Variants in SPIRE1 observed in about 807,000 individuals in gnomAD.
SPIRE1 encodes protein spire homolog 1.
In SPIRE1, 40 loss-of-function variants were observed where a neutral mutation model predicts 94.1. The observed-to-expected ratio is 0.43, with a 90% confidence interval of 0.33 to 0.55. SPIRE1 has a LOEUF of 0.55. SPIRE1 is among the 20% of genes least tolerant of loss of function. The pLI, the probability that SPIRE1 is intolerant of heterozygous loss-of-function variation, is 0.06. For missense variants in SPIRE1, 838 were observed against 975.2 expected (o/e 0.86, Z 1.87); for synonymous variants, 376 against 371.7 (o/e 1.01, Z -0.13).
intron 2 of SPIRE1, among the ~76,000 whole-genome samples, chr18:12,601,644 C>A (rs915319858): frequency 2.6e-5 from 4 of 152,076 alleles, no homozygotes; most frequent in African/African-American, 9.7e-5. Context: ...CTCTTCTGAC[C>A]CCCAGCTCCA....
rs146574708 is a variant in SPIRE1, at chr18:12,582,876, C to T, written c.373-35972G>A. Among the ~76,000 whole-genome samples, 170 of 152,170 alleles carry T rather than the reference C, an allele frequency of 1.1e-3. 1 individual carries two copies. Among genetic ancestry groups the T allele is most frequent in the East Asian group, 6.8e-3 (35 of 5,176 alleles). Reference sequence around the variant, plus strand: ...TACTATGCCTGATGCTGGGGGTGTACTGGGGAAGGAAATAGACAGTCTGGA... The same window carrying T: ...TACTATGCCTGATGCTGGGGGTGTATTGGGGAAGGAAATAGACAGTCTGGA... On this transcript the variant is annotated intron_variant, in intron 2 of 16. Transcript: ENST00000409402.
Position 12,479,692 on chromosome 18 carries a change from G to A in SPIRE1, c.1404+7C>T, listed in dbSNP as rs752152770. The A allele has an allele frequency of 6.3e-7, 1 of 1,598,968 alleles. No individual in the cohort carries two copies. The highest frequency in any genetic ancestry group is 1.1e-5 in the South Asian group (1 of 88,422). Reference sequence around the variant, plus strand: ...TGGGAGTCAAGCTGGGTGAACTGGGGCCTCACCTCAGACTCAGAGCTGTCC... The same window carrying A: ...TGGGAGTCAAGCTGGGTGAACTGGGACCTCACCTCAGACTCAGAGCTGTCC... On this transcript the variant is annotated splice_region_variant and intron_variant, in intron 10 of 16. Transcript: ENST00000409402.
intron 4 of SPIRE1, among the ~76,000 whole-genome samples, chr18:12,530,250 A>G (rs183134847): frequency 6.6e-6 from 1 of 152,352 alleles, no homozygotes; most frequent in African/African-American, 2.4e-5. Flanking sequence ...TAAGACTAAT[A>G]ACAAAAATGA....
chr18:12,622,610 G>C (rs1056277659), intron 2 of SPIRE1, among the ~76,000 whole-genome samples: 23 of 150,370 alleles, frequency 1.5e-4, no homozygotes, highest in Non-Finnish European at 3.0e-4. Flanking sequence ...TTTTAGTAGA[G>C]ACAGGGTTTC....
intron 6 of SPIRE1, among the ~76,000 whole-genome samples, chr18:12,497,299 AT>A (rs1004809171): frequency 2.0e-5 from 3 of 151,932 alleles, no homozygotes; most frequent in African/African-American, 7.3e-5. Context: ...GTTAAAAACA[AT>A]TTTTTTTAGA....
intron 2 of SPIRE1, among the ~76,000 whole-genome samples, chr18:12,620,117 T>C (rs888540309): frequency 4.6e-5 from 7 of 152,112 alleles, no homozygotes; most frequent in African/African-American, 1.7e-4. Flanking sequence ...GTTCAAGACC[T>C]GCCTAGGCAA....
intron 4 of SPIRE1, among the ~76,000 whole-genome samples, chr18:12,525,893 T>C (rs118042984): frequency 1.2e-3 from 189 of 152,262 alleles, no homozygotes; most frequent in Non-Finnish European, 2.2e-3. Context: ...TTCTTTGCCA[T>C]GATGCCTTGC....
At chr18:12,504,864 G>A (rs188141575) in intron 6 of SPIRE1, among the ~76,000 whole-genome samples, 8 of 152,278 alleles carry the variant, frequency 5.3e-5, no homozygotes, top group Non-Finnish European at 1.0e-4. Flanking sequence ...GGCTATGAGG[G>A]AGAGGAGAGC....
chr18:12,529,229 C>T (rs1264117570), intron 4 of SPIRE1, among the ~76,000 whole-genome samples: 5 of 152,158 alleles, frequency 3.3e-5, no homozygotes, highest in East Asian at 1.9e-4. Flanking sequence ...ATTAGCCGGA[C>T]GTGGTGGCGG....
At chr18:12,522,763 T>C (rs2034399202) in intron 4 of SPIRE1, among the ~76,000 whole-genome samples, 1 of 152,132 alleles carries the variant, frequency 6.6e-6, no homozygotes, top group African/African-American at 2.4e-5. Context: ...GCTCTATAAA[T>C]GGAACAACAA....
At chr18:12,629,951 T>C (rs1033059386) in intron 2 of SPIRE1, among the ~76,000 whole-genome samples, 5 of 152,154 alleles carry the variant, frequency 3.3e-5, no homozygotes, top group Non-Finnish European at 7.4e-5. Flanking sequence ...GGTAAAATAC[T>C]TGATTTTAAG....
At chr18:12,596,044 A>G (rs1303433644) in intron 2 of SPIRE1, among the ~76,000 whole-genome samples, 1 of 152,240 alleles carries the variant, frequency 6.6e-6, no homozygotes, top group African/African-American at 2.4e-5. Context: ...GAATTACACA[A>G]TGACCAGACC....
At chr18:12,605,317 C>A (rs923402793) in intron 2 of SPIRE1, among the ~76,000 whole-genome samples, 1 of 152,040 alleles carries the variant, frequency 6.6e-6, no homozygotes, top group Non-Finnish European at 1.5e-5. Flanking sequence ...AGGAAATGGT[C>A]AACATGGTGA....
At chr18:12,578,601 T>C (rs1312554540) in intron 2 of SPIRE1, among the ~76,000 whole-genome samples, 2 of 152,254 alleles carry the variant, frequency 1.3e-5, no homozygotes, top group South Asian at 2.1e-4. Flanking sequence ...ATTTAAATTA[T>C]ACTCCAAGGT....
At chr18:12,546,971 A>G (rs1567924314) in intron 2 of SPIRE1, 67 bp from the exon 3 acceptor site, 11 of 1,081,712 alleles carry the variant, frequency 1.0e-5, no homozygotes, top group Admixed American at 7.6e-5. Flanking sequence ...ATTGTGAGGC[A>G]TAAGATGTTT....
intron 9 of SPIRE1, among the ~76,000 whole-genome samples, chr18:12,480,753 T>C (rs1162928837): frequency 2.0e-5 from 3 of 152,106 alleles, no homozygotes; most frequent in Non-Finnish European, 2.9e-5. Context: ...TTTGGTACCA[T>C]AGCCTGGAAT....
intron 2 of SPIRE1, among the ~76,000 whole-genome samples, chr18:12,561,430 C>A (rs1280852517): frequency 6.6e-6 from 1 of 152,080 alleles, no homozygotes; most frequent in East Asian, 1.9e-4. Context: ...CCACCATGCC[C>A]AGCTAATGTA....
At chr18:12,492,552 A>G (rs1234236311) in intron 8 of SPIRE1, among the ~76,000 whole-genome samples, 1 of 152,216 alleles carries the variant, frequency 6.6e-6, no homozygotes, top group Non-Finnish European at 1.5e-5. Flanking sequence ...GTATCTTTAA[A>G]CCCATAATAA....
intron 2 of SPIRE1, 58 bp from the exon 3 acceptor site, chr18:12,546,962 T>C (rs765105401): frequency 1.7e-6 from 2 of 1,172,058 alleles, no homozygotes; most frequent in Non-Finnish European, 2.4e-6. Flanking sequence ...CTAGGACTAA[T>C]TGTGAGGCAT....
Sources: allele counts gnomAD v4.1 joint callset (sites outside exome capture counted in the v4.1 genomes callset), GRCh38; gene constraint gnomAD v4.1.1; transcripts MANE v1.5; gene names NCBI Gene and HGNC (gene_info 2026-07-23, HGNC 2026-07-21).